DPP6: variants seen among roughly 807,000 people sequenced by gnomAD.
The protein encoded by DPP6 is A-type potassium channel modulatory protein DPP6.
In DPP6, 69 loss-of-function variants were observed where a neutral mutation model predicts 122.6. That is an observed-to-expected ratio of 0.56 (90% CI 0.46 to 0.69). The LOEUF is 0.69. Among genes scored for constraint, DPP6 ranks in the 30% least tolerant of loss-of-function variants. DPP6 has a pLI of 0.00. For missense variants in DPP6, 928 were observed against 1,116.9 expected (o/e 0.83, Z 2.41); for synonymous variants, 418 against 433.1 (o/e 0.97, Z 0.43).
chr7:154,690,917 A>C (rs1839897143), intron 7 of DPP6, among the ~76,000 whole-genome samples: 1 of 152,196 alleles, frequency 6.6e-6, no homozygotes. Flanking sequence ...TTAAGTGTTC[A>C]CTGGTGATGC....
At chr7:153,859,906 C>G in the DPP6 span, among the ~76,000 whole-genome samples, 970 of 152,184 alleles carry the variant, frequency 6.4e-3, 8 homozygotes, top group Non-Finnish European at 9.6e-3. Flanking sequence ...GGAAAACCAC[C>G]CCCATGGTTC....
At chr7:154,713,354 A>T (rs1322893583) in intron 7 of DPP6, among the ~76,000 whole-genome samples, 1 of 152,234 alleles carries the variant, frequency 6.6e-6, no homozygotes, top group African/African-American at 2.4e-5. Flanking sequence ...CAGTTCCACT[A>T]TGCAGTGCCC....
intron 1 of DPP6, among the ~76,000 whole-genome samples, chr7:154,385,972 CT>C (rs766517180): frequency 1.5e-3 from 232 of 152,202 alleles, no homozygotes; most frequent in Middle Eastern, 3.4e-3. Flanking sequence ...ATTTTTTCCC[CT>C]GCTGGTAGTC....
intron 1 of DPP6, among the ~76,000 whole-genome samples, chr7:154,354,604 C>A (rs983665118): frequency 6.6e-6 from 1 of 152,202 alleles, no homozygotes; most frequent in Non-Finnish European, 1.5e-5. Flanking sequence ...ACCATCCATT[C>A]GGTTTGGCTT....
In DPP6 at chr7:154,637,823, A is replaced by G. The variant is rs1485808963; in HGVS notation, c.630A>G (p.Ile210Met). Residue 210 changes from isoleucine to methionine, a missense_variant and splice_region_variant, in exon 6 of 26, where the codon ATA becomes ATG. Transcript: ENST00000377770. ...YALFSYNVEP[I>M]YQHSYTGYYV... ...TTTTTCCTTTTTGTCTGTTGCAGATATATCAACACTCGTATACTGGATATT... is the reference window on the plus strand; with the variant it reads ...TTTTTCCTTTTTGTCTGTTGCAGATGTATCAACACTCGTATACTGGATATT... 2.5e-6 allele frequency: 4 copies of G among 1,579,024 alleles called. No individual in the cohort carries two copies. Among genetic ancestry groups the G allele is most frequent in the African/African-American group, 2.7e-5 (2 of 74,694 alleles).
intron 1 of DPP6, among the ~76,000 whole-genome samples, chr7:154,405,490 G>A (rs55829450): frequency 4.0e-3 from 609 of 151,884 alleles, no homozygotes; most frequent in Non-Finnish European, 5.6e-3. Flanking sequence ...CTTGTTTGTC[G>A]TCTCTTAAAA....
chr7:154,653,145 G>A (rs1427266080), intron 6 of DPP6, among the ~76,000 whole-genome samples: 2 of 152,190 alleles, frequency 1.3e-5, no homozygotes, highest in Admixed American at 6.5e-5. Context: ...AGCCCTTGAG[G>A]TGACCAAAAA....
At chr7:154,155,313 G>A (rs1796624422) in intron 1 of DPP6, among the ~76,000 whole-genome samples, 2 of 152,198 alleles carry the variant, frequency 1.3e-5, no homozygotes, top group Non-Finnish European at 2.9e-5. Flanking sequence ...AGGTTGCTAG[G>A]TAGAGCCTGC....
At chr7:154,357,777 A>G (rs752961287) in intron 1 of DPP6, among the ~76,000 whole-genome samples, 40 of 152,078 alleles carry the variant, frequency 2.6e-4, no homozygotes, top group Non-Finnish European at 5.3e-4. Context: ...CCCCATATCT[A>G]CTAAAAATAC....
intron 1 of DPP6, among the ~76,000 whole-genome samples, chr7:154,003,458 G>A (rs1797774609): frequency 6.6e-6 from 1 of 152,250 alleles, no homozygotes; most frequent in Non-Finnish European, 1.5e-5. Context: ...AGCTGAGCGT[G>A]TGTGACACTC....
chr7:154,085,931 T>A (rs1804381488), intron 1 of DPP6, among the ~76,000 whole-genome samples: 2 of 152,122 alleles, frequency 1.3e-5, no homozygotes, highest in Admixed American at 6.5e-5. Flanking sequence ...TTTCACCATG[T>A]TGGCCAGGCT....
At chr7:154,106,832 C>T (rs1192852531) in intron 1 of DPP6, among the ~76,000 whole-genome samples, 2 of 152,034 alleles carry the variant, frequency 1.3e-5, no homozygotes, top group Admixed American at 1.3e-4. Context: ...GATCAGGGGC[C>T]TCCGGAAGTG....
chr7:154,664,301 C>T (rs1309127919), intron 6 of DPP6, among the ~76,000 whole-genome samples: 1 of 152,226 alleles, frequency 6.6e-6, no homozygotes, highest in Admixed American at 6.5e-5. Context: ...TTGCAAGGCA[C>T]TGCATATTAT....
intron 16 of DPP6, among the ~76,000 whole-genome samples, chr7:154,807,781 C>T (rs1798792574): frequency 6.6e-6 from 1 of 152,068 alleles, no homozygotes; most frequent in Admixed American, 6.5e-5. Context: ...GAGATCGCAC[C>T]ACTACACTCC....
At chr7:154,240,128 G>T (rs1253299772) in intron 1 of DPP6, among the ~76,000 whole-genome samples, 2 of 143,764 alleles carry the variant, frequency 1.4e-5, no homozygotes, top group African/African-American at 5.1e-5. Context: ...TATGAATTTT[G>T]TAAAATTGTT....
chr7:154,068,124 G>T (rs1420031745), intron 1 of DPP6, among the ~76,000 whole-genome samples: 1 of 152,110 alleles, frequency 6.6e-6, no homozygotes, highest in Non-Finnish European at 1.5e-5. Context: ...TGGGAAAGGA[G>T]AGGTTAGCAG....
At position 154,650,096 on chromosome 7, in the gene DPP6, G is replaced by A. The variant is rs924369338; in HGVS notation, c.680+12223G>A. Among the ~76,000 whole-genome samples, 3 of 152,266 alleles carry A rather than the reference G, an allele frequency of 2.0e-5. No homozygotes were observed. In the East Asian group the frequency reaches 5.8e-4, roughly 29 times the overall value. On this transcript the variant is annotated intron_variant, in intron 6 of 25. Coordinates refer to ENST00000377770, the MANE Select transcript of DPP6 (RefSeq NM_130797.4). ...GCATTTGGGGAGGTCAACGTGGGAG[G>A]ATCTCTTGAGCCCAGGAGTTTGAGA...
intron 1 of DPP6, among the ~76,000 whole-genome samples, chr7:154,103,935 G>T (rs573647847): frequency 1.8e-4 from 28 of 152,248 alleles, no homozygotes; most frequent in African/African-American, 6.3e-4. Context: ...GAGGCTTTTG[G>T]ACTTGGACTG....
At chr7:154,655,630 A>G (rs1403201930) in intron 6 of DPP6, among the ~76,000 whole-genome samples, 3 of 152,246 alleles carry the variant, frequency 2.0e-5, no homozygotes, top group Admixed American at 6.5e-5. Flanking sequence ...CACACCTCTA[A>G]GAATTTCAGC....
Sources: allele counts gnomAD v4.1 joint callset (sites outside exome capture counted in the v4.1 genomes callset), GRCh38; gene constraint gnomAD v4.1.1; transcripts MANE v1.5; gene names NCBI Gene and HGNC (gene_info 2026-07-23, HGNC 2026-07-21).